The following MDM2 variants were observed in gnomAD, a reference collection of about 807,000 sequenced individuals.
MDM2 encodes MDM2 proto-oncogene, also known as E3 ubiquitin-protein ligase Mdm2.
Under a neutral mutation model 64.3 loss-of-function variants are expected in MDM2, and 11 were observed. The ratio of observed to expected loss-of-function variants is 0.17; its 90% CI spans 0.11 to 0.28. The LOEUF (loss-of-function observed/expected upper bound fraction) is 0.28. Ranked by LOEUF, MDM2 falls within the 10% of genes least tolerant of loss-of-function variation. The probability of loss-of-function intolerance (pLI) is 1.00; values close to 1 mark genes in which losing one functional copy is unlikely to be tolerated. For synonymous variants in MDM2, 194 were observed against 192.9 expected (o/e 1.01, Z -0.05); for missense variants, 388 against 577.1 (o/e 0.67, Z 3.36).
chr12:68,843,605 T>C lies in MDM2; in HGVS notation c.*3756T>C, dbSNP rs188562494. On this transcript the variant is annotated 3_prime_UTR_variant, in exon 11 of 11. Coordinates refer to ENST00000258149, the MANE Select transcript of MDM2 (RefSeq NM_002392.6). ...CATATGTGAATTGTATATACTTAGG[T>C]GAAGACAATAAAATCAACTGAACTG... The C allele has an allele frequency of 5.1e-4, 115 of 227,336 alleles. No homozygotes were observed. The East Asian group carries it at 7.0e-3, about 14-fold the overall frequency. The allele number at this position is 227,336 out of a possible 1,614,324, so 14.1% of individuals were successfully genotyped here. A position where few individuals can be genotyped will look rare whatever the true frequency, so the allele number is the denominator to read the frequency against.
At chr12:68,816,448 C>T (rs1227805858) in intron 3 of MDM2, among the ~76,000 whole-genome samples, 3 of 130,376 alleles carry the variant, frequency 2.3e-5, no homozygotes, top group Non-Finnish European at 4.7e-5. Context: ...TCTCGGCTCA[C>T]TGCAGCCTCC....
intron 3 of MDM2, among the ~76,000 whole-genome samples, chr12:68,816,442 G>A (rs577674957): frequency 4.9e-4 from 58 of 119,448 alleles, no homozygotes; most frequent in Middle Eastern, 4.3e-3. Context: ...GCGCAATCTC[G>A]GCTCACTGCA....
intron 10 of MDM2, among the ~76,000 whole-genome samples, chr12:68,838,577 T>C (rs1470227179): frequency 6.6e-6 from 1 of 152,176 alleles, no homozygotes; most frequent in Non-Finnish European, 1.5e-5. Flanking sequence ...TTTAGAGTAC[T>C]TCTAAGGTAG....
chr12:68,825,984 C>A (rs3730584), intron 7 of MDM2, among the ~76,000 whole-genome samples: 9 of 152,230 alleles, frequency 5.9e-5, no homozygotes, highest in Non-Finnish European at 1.3e-4. Flanking sequence ...AAATAGAATA[C>A]AACATATTTG....
intron 8 of MDM2, among the ~76,000 whole-genome samples, chr12:68,832,002 G>T (rs1315673846): frequency 6.6e-6 from 1 of 152,130 alleles, no homozygotes; most frequent in Non-Finnish European, 1.5e-5. Context: ...CCCGGGAGGC[G>T]GAGGTTGCAG....
In MDM2 at chr12:68,845,055, G is replaced by A. The variant is rs7960195; in HGVS notation, c.*5206G>A. ...AGTGCTGTGATTACAGGCGTGAGCC[G>A]CCACGCCCAGCCTAATAAGGGTTTT... On this transcript the variant is annotated 3_prime_UTR_variant, in exon 11 of 11. Coordinates refer to ENST00000258149, the MANE Select transcript of MDM2 (RefSeq NM_002392.6). 14,771 of 209,646 alleles carry A rather than the reference G, an allele frequency of 0.07. 2,231 individuals are homozygous for A. Among genetic ancestry groups the A allele is most frequent in the African/African-American group, 0.32 (13,835 of 43,870 alleles). The allele number at this position is 209,646 out of a possible 1,614,324, so 13.0% of individuals were successfully genotyped here.
chr12:68,808,411 C>A lies in MDM2; in HGVS notation c.-67C>A, dbSNP rs1412639872. On this transcript the variant is annotated 5_prime_UTR_variant, in exon 1 of 11. Coordinates refer to ENST00000258149, the MANE Select transcript of MDM2 (RefSeq NM_002392.6). Reference sequence around the variant, plus strand: ...CCCCGAGGCCCAGGGCGTCGTGCTTCCGCGCGCCCCGTGAAGGAAACTGGG... The same window carrying A: ...CCCCGAGGCCCAGGGCGTCGTGCTTACGCGCGCCCCGTGAAGGAAACTGGG... 2.5e-6 allele frequency: 4 copies of A among 1,611,388 alleles called. No homozygotes were observed. The Admixed American group carries it at 6.7e-5, about 27-fold the overall frequency.
intron 4 of MDM2, among the ~76,000 whole-genome samples, chr12:68,819,163 G>A (rs1881642457): frequency 6.6e-6 from 1 of 152,144 alleles, no homozygotes; most frequent in Non-Finnish European, 1.5e-5. Flanking sequence ...GTGGGTTTAG[G>A]TTGCTGTATC....
At position 68,836,583 on chromosome 12, in the gene MDM2, A is replaced by G. The variant is rs757379172; in HGVS notation, c.841-89A>G. 10 of 879,842 alleles carry G rather than the reference A, an allele frequency of 1.1e-5. No individual in the cohort carries two copies. In the South Asian group the frequency reaches 1.3e-4, roughly 12 times the overall value. 54.5% of individuals were successfully genotyped at this position (879,842 alleles called of 1,614,324 possible). A position where few individuals can be genotyped will look rare whatever the true frequency, so the allele number is the denominator to read the frequency against. On this transcript the variant is annotated intron_variant, in intron 9 of 10. Transcript: ENST00000258149. ...AAGGCTTTCTCATATATTGTAGTAC[A>G]TGATATTTGTTTAGGACTTATTACT...
intron 4 of MDM2, among the ~76,000 whole-genome samples, chr12:68,818,702 AAAT>A (rs1442631871): frequency 2.6e-5 from 4 of 151,318 alleles, no homozygotes; most frequent in African/African-American, 9.7e-5. Context: ...TAAATTTTAA[AAAT>A]AACTATATTG....
At chr12:68,833,142 AAAAAAAAAT>A (rs1487690284) in intron 8 of MDM2, among the ~76,000 whole-genome samples, 66 of 109,934 alleles carry the variant, frequency 6.0e-4, no homozygotes, top group African/African-American at 2.8e-3. Context: ...AAAAAAAAAA[AAAAAAAAAT>A]ATATATATAT....
At chr12:68,827,384 C>G (rs976007384) in intron 7 of MDM2, among the ~76,000 whole-genome samples, 1 of 151,950 alleles carries the variant, frequency 6.6e-6, no homozygotes, top group Admixed American at 6.6e-5. Context: ...CTGTGACTTG[C>G]TTTTTCCTGT....
At chr12:68,846,709 CTA>C (rs1018277205), downstream of MDM2, 69 of 152,256 alleles carry the variant, frequency 4.5e-4, no homozygotes, top group African/African-American at 1.7e-3. Context: ...TTTTAGAACA[CTA>C]TGAAATGGGT....
chr12:68,848,739 G>A (rs3879294), downstream of MDM2: 2,658 of 152,228 alleles, frequency 0.017, 34 homozygotes, highest in African/African-American at 0.026. Context: ...GGGGGACGAA[G>A]TCTCGTTCTG....
intron 4 of MDM2, 144 bp downstream of exon 4, chr12:68,817,089 ATTAT>A: frequency 2.3e-6 from 2 of 865,112 alleles, no homozygotes; most frequent in South Asian, 2.0e-5. Context: ...TCTGCGGCAT[ATTAT>A]TTGAGAACCT....
At chr12:68,813,203 C>A (rs1017946135) in intron 2 of MDM2, among the ~76,000 whole-genome samples, 7 of 152,116 alleles carry the variant, frequency 4.6e-5, no homozygotes, top group Non-Finnish European at 8.8e-5. Context: ...GATAACAGGA[C>A]CCACTCTAAA....
chr12:68,825,547 G>A (rs567107918), intron 7 of MDM2, among the ~76,000 whole-genome samples: 4 of 152,178 alleles, frequency 2.6e-5, no homozygotes, highest in Non-Finnish European at 5.9e-5. Flanking sequence ...CAGCTACTCG[G>A]GAGGCTGAGG....
chr12:68,836,070 T>C (rs972356825), intron 9 of MDM2, 86 bp downstream of exon 9: 9 of 1,187,492 alleles, frequency 7.6e-6, no homozygotes, highest in Non-Finnish European at 1.0e-5. Flanking sequence ...AATAATATTA[T>C]TCAGATTTCA....
chr12:68,833,878 T>C (rs1695563655), intron 8 of MDM2, among the ~76,000 whole-genome samples: 1 of 152,184 alleles, frequency 6.6e-6, no homozygotes, highest in African/African-American at 2.4e-5. Flanking sequence ...TTGAAGTATT[T>C]GGTTTGTTGG....
Sources: allele counts gnomAD v4.1 joint callset (sites outside exome capture counted in the v4.1 genomes callset), GRCh38; gene constraint gnomAD v4.1.1; transcripts MANE v1.5; gene names NCBI Gene and HGNC (gene_info 2026-07-23, HGNC 2026-07-21).